RBFOX3: variants seen among roughly 807,000 people sequenced by gnomAD.
RBFOX3 encodes RNA binding fox-1 homolog 3.
A neutral mutation model predicts 48.7 loss-of-function variants in RBFOX3; 17 were observed. The ratio of observed to expected loss-of-function variants is 0.35; its 90% CI spans 0.24 to 0.52. The LOEUF (loss-of-function observed/expected upper bound fraction) is 0.52, where lower values mean the gene tolerates loss of function less well. RBFOX3 is among the 20% of genes least tolerant of loss of function. The pLI, the probability that RBFOX3 is intolerant of heterozygous loss-of-function variation, is 0.94. For synonymous variants in RBFOX3, 212 were observed against 209.5 expected (o/e 1.01, Z -0.10); for missense variants, 382 against 497.5 (o/e 0.77, Z 2.21).
At chr17:79,449,372 T>C (rs1315344597) in intron 2 of RBFOX3, among the ~76,000 whole-genome samples, 1 of 151,576 alleles carries the variant, frequency 6.6e-6, no homozygotes, top group African/African-American at 2.4e-5. Context: ...GTCCCCAAAC[T>C]TTCTCCCTTA....
At chr17:79,095,409 G>A in intron 13 of RBFOX3, 104 bp downstream of exon 13, 1 of 1,037,852 alleles carries the variant, frequency 9.6e-7, no homozygotes, top group African/African-American at 1.6e-5. Context: ...GCCAGGCCTG[G>A]AAGAGTGGGT....
intron 4 of RBFOX3, among the ~76,000 whole-genome samples, chr17:79,215,341 C>G (rs2147241891): frequency 6.6e-6 from 1 of 152,324 alleles, no homozygotes; most frequent in Admixed American, 6.5e-5. Flanking sequence ...GGTTTCCAGA[C>G]CTATGAATGT....
At chr17:79,356,254 G>A (rs2084959642) in intron 2 of RBFOX3, among the ~76,000 whole-genome samples, 1 of 152,014 alleles carries the variant, frequency 6.6e-6, no homozygotes, top group Non-Finnish European at 1.5e-5. Flanking sequence ...CCTGCAGACG[G>A]GGTGGGGGAG....
At chr17:79,507,877 C>T (rs1555779382) in intron 1 of RBFOX3, among the ~76,000 whole-genome samples, 3 of 152,228 alleles carry the variant, frequency 2.0e-5, no homozygotes, top group African/African-American at 7.2e-5. Context: ...CCTTCCTGGG[C>T]CTGGGCAGCC....
chr17:79,478,892 G>A (rs998440277), intron 2 of RBFOX3, among the ~76,000 whole-genome samples: 96 of 152,338 alleles, frequency 6.3e-4, no homozygotes, highest in African/African-American at 2.2e-3. Context: ...GCTTTAAAAC[G>A]GGATCTAATT....
chr17:79,370,361 T>G (rs1342830018), intron 2 of RBFOX3, among the ~76,000 whole-genome samples: 3 of 152,190 alleles, frequency 2.0e-5, no homozygotes, highest in Non-Finnish European at 2.9e-5. Context: ...ACTTGCAGAA[T>G]GCACTTGCTG....
intron 2 of RBFOX3, among the ~76,000 whole-genome samples, chr17:79,400,548 T>C (rs2062659262): frequency 6.7e-6 from 1 of 149,250 alleles, no homozygotes; most frequent in Admixed American, 6.7e-5. Context: ...CTTCAACTTA[T>C]CTTAGAGAGA....
At position 79,212,259 on chromosome 17, in the gene RBFOX3, C is replaced by A. The variant is rs114071088; in HGVS notation, c.-34+23507G>T. On this transcript the variant is annotated intron_variant, in intron 4 of 14. Coordinates refer to ENST00000693108, the MANE Select transcript of RBFOX3 (RefSeq NM_001350451.2). This position sits in a 1 kb window ranked among gnomAD's most constrained non-coding sequence, Gnocchi z 4.7. Reference sequence around the variant, plus strand: ...ACCCGCTGCCCTGGGTTCTTCCAGGCTGGGGCTGGGGCTGGGGCAGGGCTG... The same window carrying A: ...ACCCGCTGCCCTGGGTTCTTCCAGGATGGGGCTGGGGCTGGGGCAGGGCTG... Among the ~76,000 whole-genome samples the A allele has an allele frequency of 5.6e-3, 852 of 152,284 alleles. 8 individuals carry two copies. Among genetic ancestry groups the A allele is most frequent in the African/African-American group, 0.019 (787 of 41,562 alleles).
intron 2 of RBFOX3, among the ~76,000 whole-genome samples, chr17:79,337,735 C>T (rs1416670846): frequency 6.6e-6 from 1 of 152,058 alleles, no homozygotes; most frequent in Admixed American, 6.6e-5. Flanking sequence ...GAGACTGTGC[C>T]ACTGGACTAC....
chr17:79,339,245 A>G (rs1450473945), intron 2 of RBFOX3, among the ~76,000 whole-genome samples: 1 of 152,128 alleles, frequency 6.6e-6, no homozygotes, highest in Non-Finnish European at 1.5e-5. Flanking sequence ...TTGTAGAGAC[A>G]GGGTTTTGCT....
intron 2 of RBFOX3, among the ~76,000 whole-genome samples, chr17:79,435,245 T>A (rs2069184245): frequency 1.3e-5 from 2 of 152,042 alleles, no homozygotes; most frequent in African/African-American, 4.8e-5. Context: ...GGAGTCTCTG[T>A]CCCATGGAAT....
At chr17:79,172,326 A>T (rs1007880284) in intron 4 of RBFOX3, among the ~76,000 whole-genome samples, 1 of 152,224 alleles carries the variant, frequency 6.6e-6, no homozygotes, top group African/African-American at 2.4e-5. Flanking sequence ...AACCATGACT[A>T]CATTATTCTG....
chr17:79,314,371 C>G (rs8076416), intron 2 of RBFOX3, among the ~76,000 whole-genome samples: 6 of 151,728 alleles, frequency 4.0e-5, no homozygotes, highest in Non-Finnish European at 5.9e-5. Flanking sequence ...ACAGTGAGAA[C>G]GATCGGCCTC....
chr17:79,475,048 G>A (rs997860857), intron 2 of RBFOX3, among the ~76,000 whole-genome samples: 25 of 152,130 alleles, frequency 1.6e-4, no homozygotes, highest in African/African-American at 5.3e-4. Flanking sequence ...AAAAGTGTGC[G>A]CCCAAAACTT....
At chr17:79,647,703 A>G in the RBFOX3 span, among the ~76,000 whole-genome samples, 1 of 152,132 alleles carries the variant, frequency 6.6e-6, no homozygotes, top group East Asian at 1.9e-4. Flanking sequence ...GCACAAGGTC[A>G]TGGCACAGCG....
At chr17:79,527,072 C>A (rs1480121305) in intron 1 of RBFOX3, among the ~76,000 whole-genome samples, 1 of 152,212 alleles carries the variant, frequency 6.6e-6, no homozygotes, top group Non-Finnish European at 1.5e-5. Flanking sequence ...CCACCTCTGT[C>A]CTCCTGGCTG....
At chr17:79,450,065 G>A (rs2073176834) in intron 2 of RBFOX3, among the ~76,000 whole-genome samples, 1 of 151,958 alleles carries the variant, frequency 6.6e-6, no homozygotes, top group Non-Finnish European at 1.5e-5. Context: ...GTGGAACGAT[G>A]GGACGTTTCT....
intron 3 of RBFOX3, among the ~76,000 whole-genome samples, chr17:79,301,585 G>C (rs2075323924): frequency 6.6e-6 from 1 of 152,202 alleles, no homozygotes; most frequent in African/African-American, 2.4e-5. Context: ...CACCTCGCTG[G>C]AAAGTGAGTT....
chr17:79,643,940 A>C, the RBFOX3 span, among the ~76,000 whole-genome samples: 2 of 152,134 alleles, frequency 1.3e-5, no homozygotes, highest in Non-Finnish European at 2.9e-5. Flanking sequence ...GAGTAAATGG[A>C]AAACAGACAA....
Sources: gnomAD v4.1 joint callset for allele counts (sites outside exome capture counted in the v4.1 genomes callset) on GRCh38, gnomAD v4.1.1 for gene constraint, Gnocchi (gnomAD v3.1) non-coding constraint, MANE v1.5 for transcripts, NCBI Gene and HGNC (gene_info 2026-07-23, HGNC 2026-07-21) for gene names.